The following ALOX5 variants were observed in gnomAD, a reference collection of about 807,000 sequenced individuals.
ALOX5 encodes polyunsaturated fatty acid 5-lipoxygenase.
ALOX5 carries 64 observed loss-of-function variants against 87.9 expected under a neutral mutation model. The observed-to-expected ratio is 0.73, with a 90% CI of 0.60 to 0.90. ALOX5 has a LOEUF of 0.90. ALOX5 is among the 40% of genes least tolerant of loss of function. The probability of loss-of-function intolerance (pLI) is 0.00; values close to 1 mark genes in which losing one functional copy is unlikely to be tolerated. For synonymous variants in ALOX5, 388 were observed against 355.1 expected, an observed-to-expected ratio of 1.09 and a Z score of -1.04; for missense variants, 822 against 907.5, an observed-to-expected ratio of 0.91 and a Z score of 1.21.
At chr10:45,410,021 C>T (rs776931055) in intron 3 of ALOX5, among the ~76,000 whole-genome samples, 11 of 152,248 alleles carry the variant, frequency 7.2e-5, no homozygotes, top group African/African-American at 1.7e-4. Context: ...ATTCCACATC[C>T]GTCCAAGTGG....
intron 1 of ALOX5, among the ~76,000 whole-genome samples, chr10:45,378,121 C>T (rs942755058): frequency 2.0e-5 from 3 of 152,182 alleles, no homozygotes; most frequent in South Asian, 2.1e-4. Flanking sequence ...CCATGCCCAT[C>T]CTCCTACTCA....
intron 2 of ALOX5, among the ~76,000 whole-genome samples, chr10:45,395,462 G>T (rs926174778): frequency 3.9e-5 from 6 of 152,108 alleles, no homozygotes; most frequent in Non-Finnish European, 8.8e-5. Context: ...GTCATGGGGT[G>T]GGGGTAAGGG....
At chr10:45,394,136 C>T (rs866282875) in intron 2 of ALOX5, among the ~76,000 whole-genome samples, 10 of 152,268 alleles carry the variant, frequency 6.6e-5, no homozygotes, top group African/African-American at 1.9e-4. Flanking sequence ...AAAAAGAGCC[C>T]GCATTGCCAA....
intron 1 of ALOX5, among the ~76,000 whole-genome samples, chr10:45,376,523 G>C (rs1839620177): frequency 1.3e-5 from 2 of 152,058 alleles, no homozygotes; most frequent in African/African-American, 4.8e-5. Flanking sequence ...ATCCTTTTTG[G>C]GTAAAGGTAA....
At chr10:45,385,005 C>G (rs1048883977) in intron 2 of ALOX5, among the ~76,000 whole-genome samples, 1 of 152,148 alleles carries the variant, frequency 6.6e-6, no homozygotes, top group African/African-American at 2.4e-5. Flanking sequence ...AGCCACCAAG[C>G]CTGGCTAATT....
At chr10:45,429,084 A>C (rs1841830429) in intron 7 of ALOX5, among the ~76,000 whole-genome samples, 1 of 152,108 alleles carries the variant, frequency 6.6e-6, no homozygotes, top group Non-Finnish European at 1.5e-5. Flanking sequence ...GCTGTGGACT[A>C]AGCTGGAGAC....
intron 7 of ALOX5, among the ~76,000 whole-genome samples, chr10:45,432,159 C>G (rs1397214742): frequency 6.7e-6 from 1 of 148,814 alleles, no homozygotes; most frequent in Non-Finnish European, 1.5e-5. Flanking sequence ...CATAGAGAGG[C>G]AGGGCAACCA....
intron 4 of ALOX5, among the ~76,000 whole-genome samples, chr10:45,414,792 C>G (rs1183185562): frequency 6.6e-6 from 1 of 152,198 alleles, no homozygotes; most frequent in African/African-American, 2.4e-5. Flanking sequence ...GCAGACACTT[C>G]TCAAAAGAAG....
Position 45,443,522 on chromosome 10 carries a change from G to A in ALOX5, c.1558G>A (p.Gly520Ser). ...CGATGTCTACGTGTACGGCATGCGGGGCCGCAAGTCCTCAGGTAGGGCCTC... is the reference window on the plus strand; with the variant it reads ...CGATGTCTACGTGTACGGCATGCGGAGCCGCAAGTCCTCAGGTAGGGCCTC... ...VNDVYVYGMR[G>S]RKSSGFPKSV... is the part of the protein sequence containing the mutation. The change falls in exon 11 of 14, where the codon GGC (glycine) becomes AGC (serine). Residue 520 changes from glycine (G) to serine (S), a missense_variant. Gly to Ser is a moderately conservative substitution (Grantham distance 56). Transcript: ENST00000374391. The A allele has an allele frequency of 2.5e-6, 4 of 1,612,676 alleles. No homozygotes were observed. Among genetic ancestry groups the A allele is most frequent in the Non-Finnish European group, 3.4e-6 (4 of 1,179,304 alleles).
intron 9 of ALOX5, among the ~76,000 whole-genome samples, chr10:45,441,969 C>A (rs1257848281): frequency 6.6e-6 from 1 of 152,162 alleles, no homozygotes; most frequent in Non-Finnish European, 1.5e-5. Flanking sequence ...CACATGGGCC[C>A]TTGCCCCAAC....
Position 45,428,679 on chromosome 10 carries a change from ACC to A in ALOX5, c.899_900del (p.Pro300LeufsTer15). ...GATGGCATCGATGCCAACAAAACAG[ACC>A]CCTGCACACTCCAGTTCCTGGCCGC... On this transcript the variant is annotated frameshift_variant, in exon 7 of 14. Coordinates refer to ENST00000374391, the MANE Select transcript of ALOX5 (RefSeq NM_000698.5). LOFTEE classifies it high-confidence loss of function. 1 of 1,613,930 alleles carries A rather than the reference ACC, an allele frequency of 6.2e-7. No homozygotes were observed. The highest frequency in any genetic ancestry group is 1.1e-5 in the South Asian group (1 of 91,070).
intron 2 of ALOX5, among the ~76,000 whole-genome samples, chr10:45,392,934 C>T (rs926241450): frequency 4.6e-5 from 7 of 152,192 alleles, no homozygotes; most frequent in African/African-American, 1.7e-4. Context: ...AGACCAATAA[C>T]AGGCTCTGAA....
chr10:45,406,423 T>A (rs12243649), intron 3 of ALOX5, among the ~76,000 whole-genome samples: 8,672 of 152,274 alleles, frequency 0.057, 649 homozygotes, highest in African/African-American at 0.17. Flanking sequence ...CTTTCTTAAG[T>A]TTTTCATAAT....
chr10:45,417,964 C>A (rs553681373), intron 4 of ALOX5, among the ~76,000 whole-genome samples: 200 of 152,306 alleles, frequency 1.3e-3, no homozygotes, highest in African/African-American at 4.5e-3. Context: ...CTGCCCTTGG[C>A]CCCAGAAGTG....
At chr10:45,419,305 C>CCG (rs1001020157) in intron 4 of ALOX5, among the ~76,000 whole-genome samples, 1 of 151,886 alleles carries the variant, frequency 6.6e-6, no homozygotes, top group Non-Finnish European at 1.5e-5. Context: ...GGCACCCGGC[C>CCG]GGGGGGGTCA....
chr10:45,412,351 T>A, intron 4 of ALOX5, 38 bp downstream of exon 4: 2 of 1,611,134 alleles, frequency 1.2e-6, no homozygotes, highest in East Asian at 4.5e-5. Flanking sequence ...GGGCAGCCCC[T>A]CCAGTGGCTG....
chr10:45,382,452 G>T (rs11239498), intron 1 of ALOX5, 31 bp from the exon 2 acceptor site: 2 of 1,613,244 alleles, frequency 1.2e-6, no homozygotes, highest in East Asian at 4.5e-5. Flanking sequence ...AGGAGACCAC[G>T]CATGGCCTGA....
chr10:45,437,397 T>A (rs1163009688), intron 7 of ALOX5, among the ~76,000 whole-genome samples: 1 of 152,206 alleles, frequency 6.6e-6, no homozygotes, highest in Non-Finnish European at 1.5e-5. Flanking sequence ...TTTTGTATCT[T>A]GAGTGTAGAA....
rs564781977 is a variant in ALOX5, at chr10:45,381,285, C to T, written c.151-1198C>T. Among the ~76,000 whole-genome samples, 128 of 152,402 alleles carry T rather than the reference C, an allele frequency of 8.4e-4. 1 individual carries two copies. The highest frequency in any genetic ancestry group is 2.9e-3 in the African/African-American group (120 of 41,594). On this transcript the variant is annotated intron_variant, in intron 1 of 13. Transcript: ENST00000374391. ...AGCAGAGCTGCTTGGTCTCACTGTT[C>T]TCTGGGCATCACCATGCAGCTGTGA...
Sources: allele counts gnomAD v4.1 joint callset (sites outside exome capture counted in the v4.1 genomes callset), GRCh38; gene constraint gnomAD v4.1.1; transcripts MANE v1.5; gene names NCBI Gene and HGNC (gene_info 2026-07-23, HGNC 2026-07-21).